The following GABRG3 variants were observed in gnomAD, a reference collection of about 807,000 sequenced individuals.
GABRG3 encodes gamma-aminobutyric acid type A receptor subunit gamma3, also known as gamma-aminobutyric acid receptor subunit gamma-3.
In GABRG3, 25 loss-of-function variants were observed where a neutral mutation model predicts 48.8. That is an observed-to-expected ratio of 0.51 (90% CI 0.37 to 0.72). The LOEUF is 0.72. Ranked by LOEUF, GABRG3 falls within the 30% of genes least tolerant of loss-of-function variation. GABRG3 has a pLI of 0.00. For missense variants in GABRG3, 394 were observed against 577.9 expected (o/e 0.68, Z 3.26); for synonymous variants, 227 against 217.6 (o/e 1.04, Z -0.38).
At chr15:27,003,553 C>T (rs1367422311) in intron 2 of GABRG3, among the ~76,000 whole-genome samples, 1 of 152,184 alleles carries the variant, frequency 6.6e-6, no homozygotes, top group Non-Finnish European at 1.5e-5. Flanking sequence ...GGTCACAGAT[C>T]AACAGGATCC....
chr15:27,121,906 C>T (rs1179560633), intron 3 of GABRG3, among the ~76,000 whole-genome samples: 1 of 152,076 alleles, frequency 6.6e-6, no homozygotes, highest in Non-Finnish European at 1.5e-5. Context: ...GGGATCTAAA[C>T]ATCAAAACAG....
intron 6 of GABRG3, among the ~76,000 whole-genome samples, chr15:27,498,750 C>T (rs1263453935): frequency 6.6e-6 from 1 of 152,146 alleles, no homozygotes; most frequent in Non-Finnish European, 1.5e-5. Context: ...AGGTAATCCA[C>T]CCACCTCAGC....
intron 3 of GABRG3, among the ~76,000 whole-genome samples, chr15:27,076,274 C>T (rs1371925603): frequency 6.7e-6 from 1 of 149,608 alleles, no homozygotes; most frequent in Non-Finnish European, 1.5e-5. Flanking sequence ...CAGCAGCTGA[C>T]ATGTTTATAA....
chr15:27,030,127 GAGA>G (rs1370601487), intron 3 of GABRG3, among the ~76,000 whole-genome samples: 1 of 152,182 alleles, frequency 6.6e-6, no homozygotes, highest in African/African-American at 2.4e-5. Flanking sequence ...AATACAAGAT[GAGA>G]AGAAGCACAA....
intron 3 of GABRG3, among the ~76,000 whole-genome samples, chr15:27,247,169 G>A (rs1595610489): frequency 6.6e-6 from 1 of 152,016 alleles, no homozygotes; most frequent in African/African-American, 2.4e-5. Context: ...CAAACTCCTG[G>A]CCTCAAGCAG....
intron 3 of GABRG3, among the ~76,000 whole-genome samples, chr15:27,108,887 A>G (rs557943061): frequency 6.6e-6 from 1 of 152,132 alleles, no homozygotes; most frequent in Non-Finnish European, 1.5e-5. Context: ...TAATATGGCT[A>G]TTCCAACTTT....
At chr15:27,322,710 T>C (rs1893472996) in intron 3 of GABRG3, among the ~76,000 whole-genome samples, 1 of 152,114 alleles carries the variant, frequency 6.6e-6, no homozygotes, top group Non-Finnish European at 1.5e-5. Context: ...ACAGTGTAAA[T>C]GTGGAGGACA....
chr15:27,493,776 A>G (rs962673357), intron 6 of GABRG3, among the ~76,000 whole-genome samples: 6 of 152,208 alleles, frequency 3.9e-5, no homozygotes, highest in African/African-American at 7.2e-5. Context: ...TAACGCCAAT[A>G]CCTACCAGCC....
At chr15:27,189,130 G>A (rs208119) in intron 3 of GABRG3, among the ~76,000 whole-genome samples, 4,884 of 151,836 alleles carry the variant, frequency 0.032, 159 homozygotes, top group African/African-American at 0.081. Context: ...GGTTACTGTA[G>A]CCTTGTAGTA....
At chr15:27,126,437 T>C (rs890856137) in intron 3 of GABRG3, among the ~76,000 whole-genome samples, 50 of 152,156 alleles carry the variant, frequency 3.3e-4, no homozygotes, top group Admixed American at 2.0e-4. Context: ...ATCAGTACTG[T>C]TCTCAGAGTG....
chr15:27,166,479 A>T (rs150852848), intron 3 of GABRG3, among the ~76,000 whole-genome samples: 272 of 151,892 alleles, frequency 1.8e-3, no homozygotes, highest in Admixed American at 5.0e-3. Flanking sequence ...CAAGCTTGAG[A>T]CTCTTCAGGG....
chr15:27,075,795 C>T (rs1006778189), intron 3 of GABRG3, among the ~76,000 whole-genome samples: 1 of 152,158 alleles, frequency 6.6e-6, no homozygotes, highest in Admixed American at 6.5e-5. Flanking sequence ...GGGGGTGAGA[C>T]TTGTGCTTGA....
At chr15:27,525,927 T>C (rs1163265508) in intron 7 of GABRG3, among the ~76,000 whole-genome samples, 1 of 150,326 alleles carries the variant, frequency 6.7e-6, no homozygotes, top group Non-Finnish European at 1.5e-5. Flanking sequence ...ACATGTACAT[T>C]CTGCACATGT....
intron 3 of GABRG3, among the ~76,000 whole-genome samples, chr15:27,162,578 TCCAATGGAG>T (rs1286062567): frequency 6.6e-6 from 1 of 152,046 alleles, no homozygotes; most frequent in Admixed American, 6.6e-5. Flanking sequence ...ATCAATGGTA[TCCAATGGAG>T]AAACACGCCA....
At chr15:27,462,252 GTGCAATCTTGTCC>G (rs1252029951) in intron 5 of GABRG3, among the ~76,000 whole-genome samples, 1 of 152,100 alleles carries the variant, frequency 6.6e-6, no homozygotes, top group Non-Finnish European at 1.5e-5. Context: ...ATCTGCCTGT[GTGCAATCTTGTCC>G]CCCAAGGATA....
At chr15:27,164,913 GTC>G (rs1048211709) in intron 3 of GABRG3, among the ~76,000 whole-genome samples, 25 of 152,292 alleles carry the variant, frequency 1.6e-4, no homozygotes, top group Admixed American at 1.4e-3. Flanking sequence ...GGAAAGTGAT[GTC>G]TCTCGTATCA....
chr15:27,477,247 C>T (rs1889967194), intron 5 of GABRG3, among the ~76,000 whole-genome samples: 1 of 152,096 alleles, frequency 6.6e-6, no homozygotes, highest in Non-Finnish European at 1.5e-5. Context: ...AATTATTCAG[C>T]ACTAAAATTA....
chr15:27,469,513 G>A (rs1191971741), intron 5 of GABRG3, among the ~76,000 whole-genome samples: 2 of 151,916 alleles, frequency 1.3e-5, no homozygotes, highest in Non-Finnish European at 2.9e-5. Context: ...ACTAATTTTT[G>A]TATTTTTAGT....
chr15:27,299,752 G>A (rs370909649), intron 3 of GABRG3, among the ~76,000 whole-genome samples: 38 of 152,250 alleles, frequency 2.5e-4, no homozygotes, highest in African/African-American at 9.1e-4. Flanking sequence ...ACTGCATGCT[G>A]GCTTTTCTCT....
Sources: allele counts gnomAD v4.1 joint callset (sites outside exome capture counted in the v4.1 genomes callset), GRCh38; gene constraint gnomAD v4.1.1; transcripts MANE v1.5; gene names NCBI Gene and HGNC (gene_info 2026-07-23, HGNC 2026-07-21).